TAF11: variants seen among roughly 807,000 people sequenced by gnomAD.
TAF11 encodes TATA-box binding protein associated factor 11.
TAF11 carries 10 observed loss-of-function variants against 23.0 expected under a neutral mutation model. The observed-to-expected ratio is 0.43, with a 90% CI of 0.27 to 0.74. The LOEUF is 0.74. Among genes scored for constraint, TAF11 ranks in the 30% least tolerant of loss-of-function variants. TAF11 has a pLI of 0.19. For synonymous variants in TAF11, 85 were observed against 95.8 expected, an observed-to-expected ratio of 0.89 and a Z score of 0.66; for missense variants, 196 against 261.7, an observed-to-expected ratio of 0.75 and a Z score of 1.73.
chr6:34,878,558 C>G lies in TAF11; in HGVS notation c.*32G>C. On this transcript the variant is annotated 3_prime_UTR_variant, in exon 5 of 5. Coordinates refer to ENST00000361288, the MANE Select transcript of TAF11 (RefSeq NM_005643.4). The stretch of plus-strand genomic sequence containing the variant: ...GGAAGTCTGGAACCAATACTTCTTC[C>G]GTCAGTAACATAGGCCTTTCTAGAC... The G allele has an allele frequency of 1.7e-6, 2 of 1,198,708 alleles. No homozygotes were observed. Among genetic ancestry groups the G allele is most frequent in the Non-Finnish European group, 2.5e-6 (2 of 801,720 alleles). The allele number at this position is 1,198,708 out of a possible 1,614,324, so 74.3% of individuals were successfully genotyped here. A position where few individuals can be genotyped will look rare whatever the true frequency, so the allele number is the denominator to read the frequency against.
At position 34,880,322 on chromosome 6, in the gene TAF11, G is replaced by C; in HGVS notation, c.375C>G (p.Arg125=). The change falls in exon 3 of 5, where the codon CGC becomes CGG. Residue 125 remains arginine, a synonymous_variant. Coordinates refer to ENST00000361288, the MANE Select transcript of TAF11 (RefSeq NM_005643.4). This position sits in a 1 kb window ranked among gnomAD's most constrained non-coding sequence, Gnocchi z 4.8. ...EEQLNRYEMY[R]RSAFPKAAIK... ...TGGCTGCCTTAGGGAAAGCTGAGCG[G>C]CGATACATTTCATAACGGTTCAGCT... is the stretch of plus-strand genomic sequence containing the variant. 1 of 1,614,136 alleles carries C rather than the reference G, an allele frequency of 6.2e-7. No individual in the cohort carries two copies. Among genetic ancestry groups the C allele is most frequent in the Non-Finnish European group, 8.5e-7 (1 of 1,180,014 alleles).
chr6:34,883,026 A>G lies in TAF11; in HGVS notation c.226T>C (p.Leu76=), dbSNP rs758516968. Residue 76 remains leucine (L), a synonymous_variant, in exon 2 of 5, where the codon TTA becomes CTA. Transcript: ENST00000361288. ...AGTTTTTTGGCTGCAGGATTAAGTA[A>G]TGATGAGTCTTCCCTTTCAACTGTT... ...LTTVEREDSS[L]LNPAAKKLKI... The G allele has an allele frequency of 5.6e-6, 9 of 1,612,284 alleles. No homozygotes were observed. The highest frequency in any genetic ancestry group is 7.6e-6 in the Non-Finnish European group (9 of 1,179,522).
In TAF11 at chr6:34,878,392, A is replaced by C. The variant is rs1766352251; in HGVS notation, c.*198T>G. 3 of 549,692 alleles carry C rather than the reference A, an allele frequency of 5.5e-6. No homozygotes were observed. Among genetic ancestry groups the C allele is most frequent in the Non-Finnish European group, 3.3e-6 (1 of 307,434 alleles). The allele number at this position is 549,692 out of a possible 1,614,324, so 34.1% of individuals were successfully genotyped here. On this transcript the variant is annotated 3_prime_UTR_variant, in exon 5 of 5. Coordinates refer to ENST00000361288, the MANE Select transcript of TAF11 (RefSeq NM_005643.4). ...ACTTCAAAATGCCCCAAGAGGTCCC[A>C]AAATTTAGTCAAGGCAAGTATCAAT...
intron 1 of TAF11, among the ~76,000 whole-genome samples, chr6:34,885,241 G>A (rs1207795683): frequency 6.6e-6 from 1 of 151,692 alleles, no homozygotes; most frequent in Non-Finnish European, 1.5e-5. Context: ...CCCTTTTTCT[G>A]GTTTCTTGAG....
chr6:34,887,701 G>A, intron 1 of TAF11, 86 bp downstream of exon 1: 1 of 1,532,054 alleles, frequency 6.5e-7, no homozygotes, highest in Non-Finnish European at 9.0e-7. Context: ...CTCGTAACTT[G>A]TTAGGGACTA....
chr6:34,878,952 C>A (rs897208129), intron 4 of TAF11, among the ~76,000 whole-genome samples: 1 of 152,134 alleles, frequency 6.6e-6, no homozygotes, highest in African/African-American at 2.4e-5. Flanking sequence ...TGCCTATAAT[C>A]CCAGCAGTTA....
Position 34,881,319 on chromosome 6 carries a change from T to C in TAF11, c.321-943A>G, listed in dbSNP as rs532036235. 2.0e-5 allele frequency among the ~76,000 whole-genome samples: 3 copies of C among 152,308 alleles called. No individual in the cohort carries two copies. The East Asian group carries it at 5.8e-4, about 29-fold the overall frequency. On this transcript the variant is annotated intron_variant, in intron 2 of 4. Transcript: ENST00000361288. ...ACATGAAAATATTTAGCTATACATATCAAACATCTAAAAAAACTTTGAAAA... is the reference window on the plus strand; with the variant it reads ...ACATGAAAATATTTAGCTATACATACCAAACATCTAAAAAAACTTTGAAAA...
At chr6:34,885,256 G>A (rs1265053124) in intron 1 of TAF11, among the ~76,000 whole-genome samples, 2 of 151,964 alleles carry the variant, frequency 1.3e-5, no homozygotes, top group African/African-American at 4.8e-5. Context: ...CTTGAGTTAG[G>A]TGCTTATTTG....
At chr6:34,879,338 A>T in intron 4 of TAF11, 1 of 952,940 alleles carries the variant, frequency 1.0e-6, no homozygotes, top group Non-Finnish European at 1.2e-6. Context: ...AGCTATGATC[A>T]CACCACTGTT....
chr6:34,879,482 A>G, intron 4 of TAF11: 2 of 972,726 alleles, frequency 2.1e-6, no homozygotes, highest in South Asian at 4.8e-5. Context: ...TCAAAAAATA[A>G]TAATAATTTA....
At position 34,882,932 on chromosome 6, in the gene TAF11, T is replaced by C; in HGVS notation, c.320A>G (p.Gln107Arg). 1.9e-6 allele frequency: 3 copies of C among 1,599,560 alleles called. No individual in the cohort carries two copies. Among genetic ancestry groups the C allele is most frequent in the Non-Finnish European group, 2.6e-6 (3 of 1,175,732 alleles). ...KVDEDEIQKM[Q>R]ILVSSFSEEQ... ...GGGGAATGATAAGAAAGTGACTTAC[T>C]GCATCTTCTGAATCTCATCTTCATC... The change falls in exon 2 of 5, where the codon CAA becomes CGA. Residue 107 changes from glutamine to arginine, a missense_variant and splice_region_variant. Physicochemically the swap from Gln to Arg is conservative, Grantham distance 43. Coordinates refer to ENST00000361288, the MANE Select transcript of TAF11 (RefSeq NM_005643.4).
Position 34,879,960 on chromosome 6 carries a change from T to C in TAF11, c.505+7A>G, listed in dbSNP as rs765976502. 1.9e-6 allele frequency: 3 copies of C among 1,612,632 alleles called. No homozygotes were observed. In the Admixed American group the frequency reaches 5.0e-5, roughly 27 times the overall value. On this transcript the variant is annotated splice_region_variant and intron_variant, in intron 4 of 4. Coordinates refer to ENST00000361288, the MANE Select transcript of TAF11 (RefSeq NM_005643.4). The stretch of plus-strand genomic sequence containing the variant: ...ACAATCCAGTATTTGTAACCAACAC[T>C]ACTCACCTTCTTCTACCACCTCCCC...
intron 1 of TAF11, among the ~76,000 whole-genome samples, chr6:34,883,686 C>T (rs1399191358): frequency 6.6e-6 from 1 of 152,114 alleles, no homozygotes; most frequent in Non-Finnish European, 1.5e-5. Flanking sequence ...TTATATCTCC[C>T]CCCCATCAGC....
chr6:34,883,835 T>C (rs990875280), intron 1 of TAF11, among the ~76,000 whole-genome samples: 2 of 152,164 alleles, frequency 1.3e-5, no homozygotes, highest in African/African-American at 2.4e-5. Flanking sequence ...CTTCACTGAT[T>C]AGAGAAATGC....
intron 1 of TAF11, among the ~76,000 whole-genome samples, chr6:34,886,523 T>A (rs1421599581): frequency 6.6e-6 from 1 of 151,898 alleles, no homozygotes; most frequent in African/African-American, 2.4e-5. Context: ...TGGAGTGCAG[T>A]GGTGCGATCT....
rs1766327884 is a variant in TAF11 at position 34,877,572 on chromosome 6, T to G, written c.*1018A>C. The G allele has an allele frequency of 1.3e-5, 2 of 151,782 alleles. No homozygotes were observed. Among genetic ancestry groups the G allele is most frequent in the Admixed American group, 6.6e-5 (1 of 15,202 alleles). 9.4% of individuals were successfully genotyped at this position (151,782 alleles called of 1,614,324 possible). On this transcript the variant is annotated 3_prime_UTR_variant, in exon 5 of 5. Coordinates refer to ENST00000361288, the MANE Select transcript of TAF11 (RefSeq NM_005643.4). ...AATATATGGGCTTTTATATTGTTTA[T>G]TTTCATCTCAGTCTTGGGGGGGGAA...
chr6:34,881,038 G>A (rs1046805870), intron 2 of TAF11, among the ~76,000 whole-genome samples: 8 of 152,102 alleles, frequency 5.3e-5, no homozygotes, highest in African/African-American at 1.9e-4. Flanking sequence ...ACACCTTTTT[G>A]GAGAGAAATT....
intron 1 of TAF11, among the ~76,000 whole-genome samples, chr6:34,883,789 T>A (rs1766486930): frequency 6.6e-6 from 1 of 152,192 alleles, no homozygotes; most frequent in Non-Finnish European, 1.5e-5. Context: ...AAACAAGACA[T>A]ACCTGTGGCC....
intron 4 of TAF11, 105 bp downstream of exon 4, chr6:34,879,862 A>C: frequency 6.8e-7 from 1 of 1,474,504 alleles, no homozygotes; most frequent in African/African-American, 1.4e-5. Context: ...CTTCAAGTGC[A>C]AATGAGAACT....
Sources: gnomAD v4.1 joint callset for allele counts (sites outside exome capture counted in the v4.1 genomes callset) on GRCh38, gnomAD v4.1.1 for gene constraint, Gnocchi (gnomAD v3.1) non-coding constraint, MANE v1.5 for transcripts, NCBI Gene and HGNC (gene_info 2026-07-23, HGNC 2026-07-21) for gene names.